Variants in USP10 observed in about 807,000 individuals in gnomAD.
The protein encoded by USP10 is ubiquitin carboxyl-terminal hydrolase 10.
Under a neutral mutation model 84.5 loss-of-function variants are expected in USP10, and 22 were observed. The ratio of observed to expected loss-of-function variants is 0.26; its 90% confidence interval spans 0.19 to 0.37. The LOEUF (loss-of-function observed/expected upper bound fraction) is 0.37. Among genes scored for constraint, USP10 ranks in the 10% least tolerant of loss-of-function variants. USP10 has a pLI of 1.00. For missense variants in USP10, 1,019 were observed against 998.9 expected (o/e 1.02, Z -0.27); for synonymous variants, 454 against 387.6 (o/e 1.17, Z -2.01).
At chr16:84,709,137 C>G (rs569358413) in intron 1 of USP10, 3 of 152,350 alleles carry the variant, frequency 2.0e-5, no homozygotes, top group East Asian at 1.9e-4. Context: ...CATTGTTTCT[C>G]TCGCGGAGGA....
chr16:84,771,997 G>A (rs1385584301), intron 11 of USP10, among the ~76,000 whole-genome samples: 1 of 152,142 alleles, frequency 6.6e-6, no homozygotes, highest in East Asian at 1.9e-4. Flanking sequence ...TGGACTTCAG[G>A]GACCCAAGAG....
intron 1 of USP10, among the ~76,000 whole-genome samples, chr16:84,719,097 AGTT>A (rs753483295): frequency 1.4e-4 from 22 of 151,868 alleles, no homozygotes; most frequent in East Asian, 5.8e-4. Context: ...CGGCCAGTTT[AGTT>A]GTTGTTGTTG....
chr16:84,776,368 C>T (rs945132220), intron 13 of USP10, among the ~76,000 whole-genome samples: 2 of 151,858 alleles, frequency 1.3e-5, no homozygotes, highest in Non-Finnish European at 2.9e-5. Context: ...CTGCAAGGTG[C>T]CAGGCTTCCC....
Position 84,773,459 on chromosome 16 carries a change from A to G in USP10, c.2143+774A>G, listed in dbSNP as rs1469366300. On this transcript the variant is annotated intron_variant, in intron 12 of 13. Coordinates refer to ENST00000219473, the MANE Select transcript of USP10 (RefSeq NM_005153.3). ...AACCCCACCTCATACCTCCTTCCAT[A>G]TAGATGACCCAGGAACTGTGGGCAT... Among the ~76,000 whole-genome samples, 9 of 152,040 alleles carry G rather than the reference A, an allele frequency of 5.9e-5. No individual in the cohort carries two copies. In the East Asian group the frequency reaches 1.7e-3, roughly 29 times the overall value.
intron 13 of USP10, among the ~76,000 whole-genome samples, chr16:84,778,273 G>T (rs1007116900): frequency 1.3e-5 from 2 of 152,176 alleles, no homozygotes; most frequent in Non-Finnish European, 2.9e-5. Flanking sequence ...GCCGGCACCG[G>T]GAGATTGTGT....
At chr16:84,739,605 A>G (rs980480648) in intron 2 of USP10, among the ~76,000 whole-genome samples, 2 of 152,200 alleles carry the variant, frequency 1.3e-5, no homozygotes, top group Admixed American at 6.5e-5. Context: ...CAATGTGTCC[A>G]TTGGAAGCAT....
intron 2 of USP10, among the ~76,000 whole-genome samples, chr16:84,739,257 G>T (rs74743332): frequency 9.9e-5 from 14 of 141,656 alleles, no homozygotes; most frequent in African/African-American, 3.1e-4. Flanking sequence ...GACAGGGTTT[G>T]TTTTTTTTTT....
chr16:84,735,226 T>TGTGTGTGTG (rs1157296999), intron 2 of USP10, among the ~76,000 whole-genome samples: 1 of 150,726 alleles, frequency 6.6e-6, no homozygotes, highest in East Asian at 1.9e-4. Context: ...TGTGTGTGTG[T>TGTGTGTGTG]GTGTGTGTGT....
chr16:84,767,859 G>T (rs2150864327), intron 10 of USP10, among the ~76,000 whole-genome samples: 1 of 151,960 alleles, frequency 6.6e-6, no homozygotes. Flanking sequence ...GACAATAGTG[G>T]AGGGAAGGTC....
intron 8 of USP10, among the ~76,000 whole-genome samples, chr16:84,760,741 A>G (rs999110115): frequency 2.0e-5 from 3 of 151,900 alleles, no homozygotes; most frequent in Non-Finnish European, 4.4e-5. Flanking sequence ...TTAATCACAT[A>G]CTTTGTTACT....
intron 1 of USP10, among the ~76,000 whole-genome samples, chr16:84,704,191 A>C (rs1905209715): frequency 6.6e-6 from 1 of 152,064 alleles, no homozygotes; most frequent in Admixed American, 6.5e-5. Context: ...TTAAAGATAT[A>C]ATTTCAGACA....
Position 84,700,055 on chromosome 16 carries a change from C to G in USP10, c.-36C>G, listed in dbSNP as rs771119942. 1.5e-6 allele frequency: 2 copies of G among 1,364,800 alleles called. No homozygotes were observed. Among genetic ancestry groups the G allele is most frequent in the South Asian group, 1.4e-5 (1 of 73,684 alleles). 84.5% of individuals were successfully genotyped at this position (1,364,800 alleles called of 1,614,324 possible). ...GCGGCGGGGGAAGCAGCGTGAGCAG[C>G]CGGAGGATCGCGGAGTCCCAATGAA... On this transcript the variant is annotated 5_prime_UTR_variant, in exon 1 of 14. Coordinates refer to ENST00000219473, the MANE Select transcript of USP10 (RefSeq NM_005153.3).
chr16:84,746,236 C>T (rs1567625255), intron 4 of USP10, among the ~76,000 whole-genome samples: 1 of 152,010 alleles, frequency 6.6e-6, no homozygotes, highest in Non-Finnish European at 1.5e-5. Flanking sequence ...AAAGTAGAAA[C>T]AATTCACAAT....
At chr16:84,764,861 T>G (rs1340924885) in intron 10 of USP10, among the ~76,000 whole-genome samples, 2 of 146,848 alleles carry the variant, frequency 1.4e-5, no homozygotes, top group East Asian at 2.0e-4. Context: ...TACAGGAGAA[T>G]GTCATCATGA....
intron 3 of USP10, among the ~76,000 whole-genome samples, chr16:84,743,508 A>G (rs143669617): frequency 1.1e-3 from 164 of 152,272 alleles, no homozygotes; most frequent in African/African-American, 3.8e-3. Flanking sequence ...CCGCAGTAGA[A>G]CACCGTTCTT....
intron 3 of USP10, 63 bp downstream of exon 3, chr16:84,740,432 C>A: frequency 1.5e-6 from 2 of 1,338,656 alleles, no homozygotes; most frequent in Non-Finnish European, 2.1e-6. Flanking sequence ...GGTGGGCAGG[C>A]TACCTGTAAA....
intron 1 of USP10, among the ~76,000 whole-genome samples, chr16:84,728,692 A>G (rs900120334): frequency 6.6e-6 from 1 of 152,164 alleles, no homozygotes; most frequent in Non-Finnish European, 1.5e-5. Flanking sequence ...TTGCTACTGA[A>G]TAAGTATTTG....
At chr16:84,710,342 G>T (rs1567589003) in intron 1 of USP10, among the ~76,000 whole-genome samples, 3 of 151,738 alleles carry the variant, frequency 2.0e-5, no homozygotes, top group African/African-American at 7.2e-5. Flanking sequence ...TTCGAAAGTT[G>T]TCAGGGATTT....
In USP10 at chr16:84,776,031, C is replaced by T. The variant is rs973501607; in HGVS notation, c.2209+806C>T. Among the ~76,000 whole-genome samples, 4 of 152,128 alleles carry T rather than the reference C, an allele frequency of 2.6e-5. No homozygotes were observed. The East Asian group carries it at 7.7e-4, about 29-fold the overall frequency. On this transcript the variant is annotated intron_variant, in intron 13 of 13. Transcript: ENST00000219473. ...TGGCCTTTGGTGAACCTGTTTGTAT[C>T]GTAACATAACACTGCCATTTATTGA...
Sources: gnomAD v4.1 joint callset for allele counts (sites outside exome capture counted in the v4.1 genomes callset) on GRCh38, gnomAD v4.1.1 for gene constraint, MANE v1.5 for transcripts, NCBI Gene and HGNC (gene_info 2026-07-23, HGNC 2026-07-21) for gene names.